PLEKHA6: variants seen among roughly 807,000 people sequenced by gnomAD.
PLEKHA6 encodes pleckstrin homology domain containing A6, also known as pleckstrin homology domain-containing family A member 6.
A neutral mutation model predicts 116.7 loss-of-function variants in PLEKHA6; 60 were observed. The observed-to-expected ratio is 0.51, with a 90% CI of 0.42 to 0.64. The LOEUF is 0.64. Ranked by LOEUF, PLEKHA6 falls within the 30% of genes least tolerant of loss-of-function variation. PLEKHA6 has a pLI of 0.00. For missense variants in PLEKHA6, 1,338 were observed against 1,422.7 expected (o/e 0.94, Z 0.96); for synonymous variants, 489 against 556.1 (o/e 0.88, Z 1.70).
chr1:204,256,725 G>A (rs181806117), intron 9 of PLEKHA6: 52 of 464,226 alleles, frequency 1.1e-4, no homozygotes, highest in Middle Eastern at 5.9e-4. Context: ...CCTGGAGTCC[G>A]CCCCAGTTTA....
intron 12 of PLEKHA6, 150 bp downstream of exon 12, chr1:204,248,671 T>A (rs926773656): frequency 1.6e-6 from 1 of 625,230 alleles, no homozygotes; most frequent in Middle Eastern, 4.3e-4. Context: ...CAGGGCAATA[T>A]TGAGGTCTTT....
chr1:204,348,062 C>CA (rs1673133754), intron 1 of PLEKHA6, among the ~76,000 whole-genome samples: 8 of 152,168 alleles, frequency 5.3e-5, no homozygotes, highest in Non-Finnish European at 8.8e-5. Context: ...GTCGCACACA[C>CA]CCACCACCCT....
rs756610915 is a variant in PLEKHA6 at position 204,259,401 on chromosome 1, C to T, written c.864G>A (p.Gln288=). 1.4e-5 allele frequency: 23 copies of T among 1,614,134 alleles called. No individual in the cohort carries two copies. Among genetic ancestry groups the T allele is most frequent in the Non-Finnish European group, 1.9e-5 (23 of 1,180,058 alleles). Residue 288 remains glutamine, a synonymous_variant, in exon 8 of 23, where the codon CAG becomes CAA. Transcript: ENST00000272203. This position sits in a 1 kb window ranked among gnomAD's most constrained non-coding sequence, Gnocchi z 4.6. ...SRPGSTAFPS[Q]DGETGGHRRS... Reference sequence around the variant, plus strand: ...GCCGGTGTCCCCCAGTCTCTCCATCCTGAGACGGGAAAGCTGTGCTCCCTG... The same window carrying T: ...GCCGGTGTCCCCCAGTCTCTCCATCTTGAGACGGGAAAGCTGTGCTCCCTG...
At position 204,244,876 on chromosome 1, in the gene PLEKHA6, A is replaced by G. The variant is rs1428576363; in HGVS notation, c.2160T>C (p.Pro720=). The part of the protein sequence containing the change: ...VSGSQGSPTK[P]GSNEPKANYE... ...TTTCTCAACTTACCTCGTTGGAGCC[A>G]GGCTTGGTGGGGGACCCCTGAGAGC... is the stretch of plus-strand genomic sequence containing the variant. Residue 720 remains proline, a synonymous_variant, in exon 15 of 23, where the codon CCT becomes CCC. Coordinates refer to ENST00000272203, the MANE Select transcript of PLEKHA6 (RefSeq NM_014935.5). The G allele has an allele frequency of 1.9e-6, 3 of 1,564,446 alleles. No individual in the cohort carries two copies. Among genetic ancestry groups the G allele is most frequent in the African/African-American group, 2.7e-5 (2 of 73,016 alleles).
rs1057307280 is a variant in PLEKHA6 at position 204,228,654 on chromosome 1, A to G, written c.2885+74T>C. The G allele has an allele frequency of 1.2e-5, 17 of 1,451,520 alleles. No individual in the cohort carries two copies. Among genetic ancestry groups the G allele is most frequent in the African/African-American group, 9.8e-5 (7 of 71,768 alleles). The allele number at this position is 1,451,520 out of a possible 1,614,324, so 89.9% of individuals were successfully genotyped here. On this transcript the variant is annotated intron_variant, in intron 20 of 22. Coordinates refer to ENST00000272203, the MANE Select transcript of PLEKHA6 (RefSeq NM_014935.5). The surrounding 1 kb of genome is among the most constrained non-coding windows in gnomAD (Gnocchi z 4.0). The stretch of plus-strand genomic sequence containing the variant: ...CCCCTGGGGAGGCTCTGTGCCCCCA[A>G]CGACTTCTAGTGGCCCAGGTGTCCT...
intron 1 of PLEKHA6, among the ~76,000 whole-genome samples, chr1:204,287,025 C>T (rs772745717): frequency 2.0e-5 from 3 of 152,088 alleles, no homozygotes; most frequent in Admixed American, 1.3e-4. Context: ...CCTTATCGCT[C>T]GAATCTGCTT....
intron 1 of PLEKHA6, among the ~76,000 whole-genome samples, chr1:204,329,207 G>A (rs1672358517): frequency 6.6e-6 from 1 of 152,236 alleles, no homozygotes; most frequent in Non-Finnish European, 1.5e-5. Context: ...TATTTGGAAT[G>A]TTTCAGGCTC....
intron 1 of PLEKHA6, chr1:204,326,956 G>T: frequency 2.0e-6 from 2 of 984,766 alleles, no homozygotes; most frequent in Non-Finnish European, 1.2e-6. Context: ...TAGGCAGGGA[G>T]TGGTCCAGGC....
At chr1:204,365,985 C>G (rs1001301741) in intron 3 of PLEKHA6, among the ~76,000 whole-genome samples, 2 of 152,136 alleles carry the variant, frequency 1.3e-5, no homozygotes, top group African/African-American at 4.8e-5. Context: ...GAGGACAGTG[C>G]TCCCAGGCAG....
chr1:204,333,587 T>C (rs936762316), intron 1 of PLEKHA6, among the ~76,000 whole-genome samples: 3 of 152,200 alleles, frequency 2.0e-5, no homozygotes, highest in African/African-American at 7.2e-5. Flanking sequence ...AAGGGGATAG[T>C]GAATGATCTG....
chr1:204,281,827 G>A (rs77864427), intron 1 of PLEKHA6, among the ~76,000 whole-genome samples: 5,452 of 152,116 alleles, frequency 0.036, 316 homozygotes, highest in African/African-American at 0.12. Context: ...TAAGCTACTC[G>A]GCTGCATGTC....
intron 1 of PLEKHA6, among the ~76,000 whole-genome samples, chr1:204,298,715 C>A (rs1054767806): frequency 1.3e-5 from 2 of 152,234 alleles, no homozygotes; most frequent in Admixed American, 1.3e-4. Flanking sequence ...ATCCCTAGAT[C>A]CATGGTTAAG....
intron 11 of PLEKHA6, 21 bp from the exon 12 acceptor site, chr1:204,248,991 G>A (rs776606193): frequency 6.2e-7 from 1 of 1,612,472 alleles, no homozygotes; most frequent in South Asian, 1.1e-5. Context: ...GCAGGGGAAT[G>A]ACATGAGCAG....
At chr1:204,345,108 T>C (rs1275632382) in intron 1 of PLEKHA6, among the ~76,000 whole-genome samples, 1 of 152,202 alleles carries the variant, frequency 6.6e-6, no homozygotes, top group Non-Finnish European at 1.5e-5. Context: ...GAACAACTTG[T>C]ATTTCCAACT....
At chr1:204,316,340 T>C (rs1000889785) in intron 1 of PLEKHA6, among the ~76,000 whole-genome samples, 2 of 152,196 alleles carry the variant, frequency 1.3e-5, no homozygotes, top group Non-Finnish European at 2.9e-5. Context: ...GTTGGAGCAC[T>C]CCCTGTGCCC....
chr1:204,350,567 T>C (rs908767775), intron 1 of PLEKHA6, among the ~76,000 whole-genome samples: 1 of 152,116 alleles, frequency 6.6e-6, no homozygotes, highest in African/African-American at 2.4e-5. Context: ...AAAATCACTA[T>C]GGAAGGAGAG....
At chr1:204,294,843 G>A (rs1327435612) in intron 1 of PLEKHA6, among the ~76,000 whole-genome samples, 2 of 152,172 alleles carry the variant, frequency 1.3e-5, no homozygotes, top group Non-Finnish European at 2.9e-5. Context: ...AAAGGTTCTG[G>A]CACTTAGTAA....
At position 204,257,843 on chromosome 1, in the gene PLEKHA6, C is replaced by A. The variant is rs777792697; in HGVS notation, c.1034G>T (p.Arg345Leu). The change falls in exon 9 of 23, where the codon CGC (arginine) becomes CTC (leucine). Residue 345 changes from arginine to leucine, a missense_variant. By Grantham distance (102) the Arg-to-Leu change is moderately radical (BLOSUM62 -2). This residue lies in a region of PLEKHA6 where 1,136 missense variants were observed against 1,163.6 expected (regional missense o/e 0.98). Transcript: ENST00000272203. The surrounding 1 kb of genome is among the most constrained non-coding windows in gnomAD (Gnocchi z 6.5). ...RSPSRFYPVS[R>L]RVPEYYGPYS... Reference sequence around the variant, plus strand: ...GGGGCCATAGTACTCAGGGACCCTGCGAGACACAGGATAGAACCTAGAGGG... The same window carrying A: ...GGGGCCATAGTACTCAGGGACCCTGAGAGACACAGGATAGAACCTAGAGGG... The A allele has an allele frequency of 3.1e-6, 5 of 1,612,738 alleles. No homozygotes were observed. The East Asian group carries it at 6.7e-5, about 22-fold the overall frequency.
intron 17 of PLEKHA6, among the ~76,000 whole-genome samples, chr1:204,239,719 C>T (rs375268127): frequency 1.3e-5 from 2 of 152,320 alleles, no homozygotes; most frequent in Non-Finnish European, 2.9e-5. Context: ...ACAATTACAA[C>T]ACCAACTAGG....
Sources: allele counts gnomAD v4.1 joint callset (sites outside exome capture counted in the v4.1 genomes callset), GRCh38; gene constraint gnomAD v4.1.1; regional missense constraint gnomAD v4.1.1; non-coding constraint Gnocchi (gnomAD v3.1); transcripts MANE v1.5; gene names NCBI Gene and HGNC (gene_info 2026-07-23, HGNC 2026-07-21).